The following GAD1 variants were observed in gnomAD, a reference collection of about 807,000 sequenced individuals.
GAD1 encodes 67 kDa glutamic acid decarboxylase.
Under a neutral mutation model 75.2 loss-of-function variants are expected in GAD1, and 35 were observed. That is an observed-to-expected ratio of 0.47 (90% CI 0.36 to 0.62). The LOEUF is 0.62. Ranked by LOEUF, GAD1 falls within the 20% of genes least tolerant of loss-of-function variation. The probability of loss-of-function intolerance (pLI) is 0.00; values close to 1 mark genes in which losing one functional copy is unlikely to be tolerated. For synonymous variants in GAD1, 257 were observed against 271.9 expected (o/e 0.95, Z 0.54); for missense variants, 490 against 758.5 (o/e 0.65, Z 4.16).
At chr2:170,848,855 A>T in intron 11 of GAD1, 1 of 511,580 alleles carries the variant, frequency 2.0e-6, no homozygotes, top group South Asian at 1.4e-5. Flanking sequence ...ACCCAGCAGG[A>T]ACTGCTGCTT....
At position 170,845,593 on chromosome 2, in the gene GAD1, C is replaced by T. The variant is rs1490174596; in HGVS notation, c.839C>T (p.Pro280Leu). 2 of 1,614,144 alleles carry T rather than the reference C, an allele frequency of 1.2e-6. No homozygotes were observed. Among genetic ancestry groups the T allele is most frequent in the Non-Finnish European group, 1.7e-6 (2 of 1,180,022 alleles). ...AAGACAAAGGGCATGGCGGCTGTGC[C>T]TAAACTGGTCCTCTTCACCTCAGAA... The part of the protein sequence containing the change: ...EVKTKGMAAV[P>L]KLVLFTSEQS... The change falls in exon 8 of 17, where the codon CCT becomes CTT. Residue 280 changes from proline to leucine, a missense_variant. Pro to Leu is a moderately conservative substitution (Grantham distance 98). Transcript: ENST00000358196.
intron 6 of GAD1, among the ~76,000 whole-genome samples, chr2:170,840,270 A>G (rs7576933): frequency 0.29 from 43,892 of 152,036 alleles, 6,610 homozygotes; most frequent in East Asian, 0.53. Context: ...CACTGTTGCT[A>G]TTTGAGACTT....
chr2:170,854,591 G>C (rs1297470878), intron 14 of GAD1, among the ~76,000 whole-genome samples: 1 of 152,104 alleles, frequency 6.6e-6, no homozygotes, highest in Non-Finnish European at 1.5e-5. Context: ...ATTTTTGGTA[G>C]AGACGGGGTT....
intron 2 of GAD1, among the ~76,000 whole-genome samples, chr2:170,819,517 G>A (rs1057051789): frequency 6.6e-6 from 1 of 152,054 alleles, no homozygotes; most frequent in Non-Finnish European, 1.5e-5. Context: ...TCTTAAGTGC[G>A]ACAGGCTCCT....
chr2:170,842,585 G>A (rs770775560), intron 6 of GAD1: 1 of 1,614,054 alleles, frequency 6.2e-7, no homozygotes, highest in South Asian at 1.1e-5. Flanking sequence ...AGACATGAGG[G>A]AGTGTTGGTT....
chr2:170,839,593 G>A (rs1489271677), intron 6 of GAD1, among the ~76,000 whole-genome samples: 11 of 147,518 alleles, frequency 7.5e-5, no homozygotes, highest in Admixed American at 6.2e-4. Context: ...CAGCCCGGGC[G>A]ACAGAACGAG....
chr2:170,817,396 C>T (rs1235739031), intron 1 of GAD1: 1 of 152,328 alleles, frequency 6.6e-6, no homozygotes, highest in African/African-American at 2.4e-5. Flanking sequence ...GCAGCAGCAG[C>T]CGAAGGCGCT....
At chr2:170,813,624 C>T (rs573359744), upstream of GAD1, among the ~76,000 whole-genome samples, 12 of 152,130 alleles carry the variant, frequency 7.9e-5, no homozygotes, top group South Asian at 2.3e-3. Flanking sequence ...AAGATCTCCC[C>T]GCAGCCCGTT....
At chr2:170,843,399 T>A (rs984013468) in intron 6 of GAD1, among the ~76,000 whole-genome samples, 1 of 152,256 alleles carries the variant, frequency 6.6e-6, no homozygotes, top group Non-Finnish European at 1.5e-5. Context: ...CACTTAGAAT[T>A]ATTCTTGACA....
intron 5 of GAD1, among the ~76,000 whole-genome samples, chr2:170,831,553 G>A (rs1409860938): frequency 5.3e-5 from 8 of 149,934 alleles, no homozygotes; most frequent in South Asian, 2.1e-4. Context: ...TCAGGAGTTC[G>A]AGACCAGCCT....
At chr2:170,842,768 T>A in intron 6 of GAD1, 1 of 1,480,772 alleles carries the variant, frequency 6.8e-7, no homozygotes, top group Non-Finnish European at 9.0e-7. Context: ...TATCTGAGGA[T>A]CCTTCAGGAT....
chr2:170,817,425 T>C (rs890378539), intron 1 of GAD1: 3 of 152,298 alleles, frequency 2.0e-5, no homozygotes, highest in African/African-American at 4.8e-5. Flanking sequence ...CGGTAACCTG[T>C]TACTTTTCCA....
Position 170,818,747 on chromosome 2 carries a change from C to A in GAD1, c.82+74C>A. On this transcript the variant is annotated intron_variant, in intron 2 of 16. Coordinates refer to ENST00000358196, the MANE Select transcript of GAD1 (RefSeq NM_000817.3). This position sits in a 1 kb window ranked among gnomAD's most constrained non-coding sequence, Gnocchi z 5.9. ...GGCGCTGGGACGTCGGGAGGCTGAG[C>A]TGGCGGAAAGGGAAGGGGGAGCGCG... is the stretch of plus-strand genomic sequence containing the variant. 2.1e-6 allele frequency: 3 copies of A among 1,445,062 alleles called. No homozygotes were observed. Among genetic ancestry groups the A allele is most frequent in the Non-Finnish European group, 2.9e-6 (3 of 1,026,040 alleles). 89.5% of individuals were successfully genotyped at this position (1,445,062 alleles called of 1,614,324 possible).
chr2:170,840,433 A>G (rs923968054), intron 6 of GAD1, among the ~76,000 whole-genome samples: 3 of 152,148 alleles, frequency 2.0e-5, no homozygotes, highest in Admixed American at 6.5e-5. Flanking sequence ...GTCAGCATGG[A>G]AGATTATTTC....
chr2:170,820,626 C>T (rs1381533730), intron 2 of GAD1, among the ~76,000 whole-genome samples: 1 of 152,210 alleles, frequency 6.6e-6, no homozygotes, highest in African/African-American at 2.4e-5. Context: ...GCTTGGAGCC[C>T]TCCTTGTCCC....
intron 6 of GAD1, among the ~76,000 whole-genome samples, chr2:170,839,554 C>T (rs188423626): frequency 4.0e-5 from 6 of 150,350 alleles, no homozygotes; most frequent in South Asian, 2.1e-4. Context: ...GTAGAGGTTG[C>T]AGTGAGCTGA....
chr2:170,813,527 G>T (rs1331438186), upstream of GAD1: 4 of 152,544 alleles, frequency 2.6e-5, no homozygotes, highest in African/African-American at 9.7e-5. Context: ...TCTAAATTAC[G>T]TTTCCTGGAG....
At chr2:170,826,196 T>C (rs1049980309) in intron 3 of GAD1, among the ~76,000 whole-genome samples, 1 of 152,186 alleles carries the variant, frequency 6.6e-6, no homozygotes, top group African/African-American at 2.4e-5. Flanking sequence ...CATAAAATAA[T>C]TACAGGATTT....
chr2:170,850,904 C>T (rs746073949), intron 12 of GAD1, among the ~76,000 whole-genome samples: 16 of 151,972 alleles, frequency 1.1e-4, no homozygotes, highest in African/African-American at 2.4e-4. Flanking sequence ...ATTCTAGCTA[C>T]GCAGGAGGCT....
Sources: gnomAD v4.1 joint callset for allele counts (sites outside exome capture counted in the v4.1 genomes callset) on GRCh38, gnomAD v4.1.1 for gene constraint, Gnocchi (gnomAD v3.1) non-coding constraint, MANE v1.5 for transcripts, NCBI Gene and HGNC (gene_info 2026-07-23, HGNC 2026-07-21) for gene names.